The following TRDN variants were observed in gnomAD, a reference collection of about 807,000 sequenced individuals.
The protein encoded by TRDN is triadin.
In TRDN, 161 loss-of-function variants were observed where a neutral mutation model predicts 149.7. The ratio of observed to expected loss-of-function variants is 1.08; its 90% CI spans 0.95 to 1.23. The LOEUF (loss-of-function observed/expected upper bound fraction) is 1.23, where lower values mean the gene tolerates loss of function less well. TRDN is among the 50% of genes most tolerant of loss of function. The pLI is 0.00. For missense variants in TRDN, 896 were observed against 823.5 expected (o/e 1.09, Z -1.08); for synonymous variants, 294 against 250.5 (o/e 1.17, Z -1.64).
At chr6:123,373,172 C>T (rs76735332) in intron 19 of TRDN, among the ~76,000 whole-genome samples, 16,019 of 152,132 alleles carry the variant, frequency 0.11, 818 homozygotes, top group Middle Eastern at 0.13. Flanking sequence ...AATTCCCACA[C>T]GTTGTGGAAG....
intron 2 of TRDN, among the ~76,000 whole-genome samples, chr6:123,556,940 C>A (rs1781696455): frequency 6.6e-6 from 1 of 152,104 alleles, no homozygotes; most frequent in Non-Finnish European, 1.5e-5. Context: ...TGACATTCCA[C>A]CACAAAAGAA....
At position 123,474,375 on chromosome 6, in the gene TRDN, A is replaced by C. The variant is rs149848030; in HGVS notation, c.854-9392T>G. Among the ~76,000 whole-genome samples, 363 of 152,070 alleles carry C rather than the reference A, an allele frequency of 2.4e-3. 3 individuals carry two copies. The highest frequency in any genetic ancestry group is 8.4e-3 in the African/African-American group (349 of 41,532). On this transcript the variant is annotated intron_variant, in intron 9 of 40. Coordinates refer to ENST00000334268, the MANE Select transcript of TRDN (RefSeq NM_006073.4). ...CATTACATAATGGTAAAGGGAGCTA[A>C]CTATCCTAAATATATATGCACCCAA...
intron 14 of TRDN, among the ~76,000 whole-genome samples, chr6:123,386,937 G>A (rs1034553164): frequency 1.3e-5 from 2 of 152,084 alleles, no homozygotes; most frequent in Non-Finnish European, 2.9e-5. Context: ...AATTGTTTAG[G>A]CCTTGGTCAT....
chr6:123,245,017 A>T (rs888511771), intron 38 of TRDN, among the ~76,000 whole-genome samples: 1 of 152,206 alleles, frequency 6.6e-6, no homozygotes, highest in Non-Finnish European at 1.5e-5. Flanking sequence ...CAAAGGAGAA[A>T]TAAAATCCTT....
intron 38 of TRDN, among the ~76,000 whole-genome samples, chr6:123,237,798 G>C (rs1775844802): frequency 6.6e-6 from 1 of 152,110 alleles, no homozygotes; most frequent in Non-Finnish European, 1.5e-5. Context: ...TGCCCTGAAA[G>C]TATGTCACAA....
intron 24 of TRDN, among the ~76,000 whole-genome samples, chr6:123,313,359 T>A (rs979757806): frequency 5.9e-5 from 9 of 152,018 alleles, no homozygotes; most frequent in Non-Finnish European, 1.2e-4. Flanking sequence ...TAAGGGAAGA[T>A]GGTACTCTGA....
At chr6:123,398,615 C>A (rs958497586) in intron 12 of TRDN, among the ~76,000 whole-genome samples, 6 of 152,144 alleles carry the variant, frequency 3.9e-5, no homozygotes, top group African/African-American at 9.7e-5. Flanking sequence ...AACATTTAAG[C>A]TAAAAGTTGC....
At chr6:123,575,140 A>G (rs1242866306) in intron 1 of TRDN, among the ~76,000 whole-genome samples, 5 of 151,648 alleles carry the variant, frequency 3.3e-5, no homozygotes, top group African/African-American at 1.2e-4. Flanking sequence ...CAAAATTTCC[A>G]CTTAAGAATT....
At chr6:123,224,933 G>T (rs907526660) in intron 38 of TRDN, among the ~76,000 whole-genome samples, 4 of 151,716 alleles carry the variant, frequency 2.6e-5, no homozygotes, top group African/African-American at 9.7e-5. Context: ...TTTGTGTACA[G>T]CAAAGGAAAC....
At chr6:123,375,717 G>A in intron 18 of TRDN, 86 bp from the exon 19 acceptor site, 1 of 1,105,868 alleles carries the variant, frequency 9.0e-7, no homozygotes, top group Non-Finnish European at 1.3e-6. Context: ...TATCTTAATT[G>A]TTTAAAGATT....
intron 4 of TRDN, among the ~76,000 whole-genome samples, chr6:123,541,381 C>T (rs1362412381): frequency 6.6e-6 from 1 of 152,158 alleles, no homozygotes; most frequent in African/African-American, 2.4e-5. Flanking sequence ...GCACGAAGTA[C>T]TACAGCTGCC....
chr6:123,271,698 G>A lies in TRDN; in HGVS notation c.1673-512C>T, dbSNP rs1265847465. Among the ~76,000 whole-genome samples the A allele has an allele frequency of 4.6e-5, 7 of 152,076 alleles. No individual in the cohort carries two copies. In the East Asian group the frequency reaches 1.2e-3, roughly 25 times the overall value. On this transcript the variant is annotated intron_variant, in intron 29 of 40. Coordinates refer to ENST00000334268, the MANE Select transcript of TRDN (RefSeq NM_006073.4). Reference sequence around the variant, plus strand: ...TCAGTGATTTTTCATAGTCAAAGATGTTTGGGTCAAAGTAAAGAGATTATT... The same window carrying A: ...TCAGTGATTTTTCATAGTCAAAGATATTTGGGTCAAAGTAAAGAGATTATT...
chr6:123,576,190 G>T (rs1233385883), intron 1 of TRDN, among the ~76,000 whole-genome samples: 2 of 152,048 alleles, frequency 1.3e-5, no homozygotes, highest in Non-Finnish European at 2.9e-5. Context: ...CAAAATACAT[G>T]CATGTAAATA....
intron 10 of TRDN, among the ~76,000 whole-genome samples, chr6:123,446,208 G>A (rs1775338656): frequency 6.6e-6 from 1 of 150,410 alleles, no homozygotes; most frequent in African/African-American, 2.5e-5. Context: ...GACACAGGAA[G>A]GGGAATATCA....
At chr6:123,228,267 A>G (rs544779547) in intron 38 of TRDN, among the ~76,000 whole-genome samples, 1 of 152,088 alleles carries the variant, frequency 6.6e-6, no homozygotes, top group East Asian at 1.9e-4. Context: ...ACTGGTTTTT[A>G]AGACTATGGC....
At position 123,231,820 on chromosome 6, in the gene TRDN, C is replaced by T. The variant is rs1052729879; in HGVS notation, c.1976-7689G>A. Among the ~76,000 whole-genome samples the T allele has an allele frequency of 2.5e-4, 38 of 151,956 alleles. 1 individual carries two copies. The highest frequency in any genetic ancestry group is 1.3e-4 in the Non-Finnish European group (9 of 67,928). On this transcript the variant is annotated intron_variant, in intron 38 of 40. Transcript: ENST00000334268. ...CTTAAAACAAAATTAGGGTCCGGGA[C>T]AAGTAATACTGATTGGTCAAAGTAG...
chr6:123,409,311 A>G (rs1306624676), intron 12 of TRDN, among the ~76,000 whole-genome samples: 1 of 152,232 alleles, frequency 6.6e-6, no homozygotes, highest in Non-Finnish European at 1.5e-5. Context: ...AATGGGTAGT[A>G]GTCAGCAACA....
At chr6:123,607,412 A>T (rs1784575571) in intron 1 of TRDN, among the ~76,000 whole-genome samples, 1 of 152,178 alleles carries the variant, frequency 6.6e-6, no homozygotes, top group East Asian at 1.9e-4. Flanking sequence ...CTCAAAAGAG[A>T]TTCAGAAACT....
chr6:123,599,146 A>G (rs1457030379), intron 1 of TRDN, among the ~76,000 whole-genome samples: 1 of 152,106 alleles, frequency 6.6e-6, no homozygotes, highest in South Asian at 2.1e-4. Flanking sequence ...ATTGATAACA[A>G]TGATAAATAT....
Sources: allele counts gnomAD v4.1 joint callset (sites outside exome capture counted in the v4.1 genomes callset), GRCh38; gene constraint gnomAD v4.1.1; transcripts MANE v1.5; gene names NCBI Gene and HGNC (gene_info 2026-07-23, HGNC 2026-07-21).